Variants in SNX24 observed in about 807,000 individuals in gnomAD.
SNX24 encodes the protein sorting nexin 24.
Under a neutral mutation model 28.7 loss-of-function variants are expected in SNX24, and 22 were observed. The ratio of observed to expected loss-of-function variants is 0.77; its 90% CI spans 0.55 to 1.10. SNX24 has a LOEUF of 1.10. Among genes scored for constraint, SNX24 ranks in the 50% least tolerant of loss-of-function variants. SNX24 has a pLI of 0.00. For synonymous variants in SNX24, 69 were observed against 71.5 expected (o/e 0.96, Z 0.18); for missense variants, 221 against 201.1 (o/e 1.10, Z -0.60).
At chr5:122,877,840 G>A (rs1756300824) in intron 1 of SNX24, among the ~76,000 whole-genome samples, 1 of 152,080 alleles carries the variant, frequency 6.6e-6, no homozygotes, top group African/African-American at 2.4e-5. Context: ...CAAGCCAATA[G>A]GCCAATGAAT....
chr5:122,861,021 C>A (rs1755436060), intron 1 of SNX24, among the ~76,000 whole-genome samples: 1 of 151,886 alleles, frequency 6.6e-6, no homozygotes, highest in African/African-American at 2.4e-5. Context: ...CTTTATGTTC[C>A]CAATCTAATA....
chr5:122,954,163 T>G (rs1277086342), intron 3 of SNX24, among the ~76,000 whole-genome samples: 2 of 148,056 alleles, frequency 1.4e-5, no homozygotes, highest in African/African-American at 2.5e-5. Context: ...ATGTGTATTC[T>G]TAAATTCTCA....
At chr5:123,007,039 A>G (rs537460467) in intron 6 of SNX24, among the ~76,000 whole-genome samples, 1 of 152,286 alleles carries the variant, frequency 6.6e-6, no homozygotes, top group South Asian at 2.1e-4. Flanking sequence ...ATCCATTCAC[A>G]TTTTACCTAC....
intron 3 of SNX24, among the ~76,000 whole-genome samples, chr5:122,993,474 T>G (rs1284887583): frequency 6.6e-6 from 1 of 152,082 alleles, no homozygotes; most frequent in Admixed American, 6.6e-5. Context: ...AATTTTTTTG[T>G]ATTTTTTAAT....
intron 3 of SNX24, among the ~76,000 whole-genome samples, chr5:122,988,085 G>A (rs1353728364): frequency 1.3e-5 from 2 of 152,170 alleles, no homozygotes; most frequent in African/African-American, 4.8e-5. Flanking sequence ...GACACGGTTG[G>A]AACAGACTGA....
At chr5:122,964,401 T>C (rs1760629703) in intron 3 of SNX24, among the ~76,000 whole-genome samples, 1 of 152,102 alleles carries the variant, frequency 6.6e-6, no homozygotes, top group Non-Finnish European at 1.5e-5. Context: ...GGTATGCTGT[T>C]AAACACCTCA....
At chr5:123,027,475 T>C (rs1222488684) in intron 5 of SNX24, among the ~76,000 whole-genome samples, 7 of 152,160 alleles carry the variant, frequency 4.6e-5, no homozygotes, top group Admixed American at 1.3e-4. Context: ...GAAGGTGGGA[T>C]GCCAGCACCG....
At chr5:122,878,293 G>T (rs1160603322) in intron 1 of SNX24, among the ~76,000 whole-genome samples, 1 of 152,108 alleles carries the variant, frequency 6.6e-6, no homozygotes, top group Non-Finnish European at 1.5e-5. Context: ...AGACCCAGTG[G>T]CGGTTCTAGA....
intron 5 of SNX24, chr5:123,028,823 C>G (rs1176161560): frequency 1.9e-6 from 3 of 1,613,782 alleles, no homozygotes; most frequent in Non-Finnish European, 2.5e-6. Flanking sequence ...ATCATGAAAT[C>G]CTTGATGACA....
chr5:122,858,936 T>C (rs1755329336), intron 1 of SNX24, among the ~76,000 whole-genome samples: 1 of 152,148 alleles, frequency 6.6e-6, no homozygotes, highest in African/African-American at 2.4e-5. Context: ...TTGGTACAGA[T>C]AGGGTTTCAC....
intron 5 of SNX24, among the ~76,000 whole-genome samples, chr5:123,020,419 G>A (rs1264552281): frequency 6.6e-6 from 1 of 152,138 alleles, no homozygotes; most frequent in Non-Finnish European, 1.5e-5. Flanking sequence ...GCTGCATATA[G>A]AACTTCTGCT....
At chr5:122,970,685 G>A (rs1445035002) in intron 3 of SNX24, among the ~76,000 whole-genome samples, 1 of 152,276 alleles carries the variant, frequency 6.6e-6, no homozygotes, top group African/African-American at 2.4e-5. Context: ...AGCCAGGATG[G>A]CCTCCATCTC....
chr5:122,946,073 A>C lies in SNX24; in HGVS notation c.163A>C (p.Thr55Pro). 1 of 1,596,924 alleles carries C rather than the reference A, an allele frequency of 6.3e-7. No individual in the cohort carries two copies. Among genetic ancestry groups the C allele is most frequent in the Non-Finnish European group, 8.6e-7 (1 of 1,168,616 alleles). The change falls in exon 3 of 7, where the codon ACT becomes CCT. Residue 55 changes from threonine to proline, a missense_variant. Transcript: ENST00000261369. ...TTTATAGCTTAAGAAATGTATAAAA[A>C]CTCCAGAAATCCCTTCTAAACATGT... The part of the protein sequence containing the change: ...LHKKLKKCIK[T>P]PEIPSKHVRN...
intron 3 of SNX24, among the ~76,000 whole-genome samples, chr5:122,958,414 C>T (rs946312509): frequency 1.6e-4 from 25 of 152,134 alleles, no homozygotes; most frequent in East Asian, 7.7e-4. Flanking sequence ...CCATCACACC[C>T]GGCTAATTTT....
At chr5:123,010,247 C>T (rs1230327229), downstream of SNX24, among the ~76,000 whole-genome samples, 1 of 152,120 alleles carries the variant, frequency 6.6e-6, no homozygotes, top group East Asian at 1.9e-4. Context: ...GAAGAAGCTG[C>T]TAGCCTTCTA....
At chr5:122,907,943 A>G (rs866918091) in intron 1 of SNX24, among the ~76,000 whole-genome samples, 1 of 151,828 alleles carries the variant, frequency 6.6e-6, no homozygotes. Flanking sequence ...GATTTTGGTA[A>G]GATTGAGACT....
chr5:122,906,176 A>G (rs1419283938), intron 1 of SNX24, among the ~76,000 whole-genome samples: 2 of 152,108 alleles, frequency 1.3e-5, no homozygotes, highest in African/African-American at 4.8e-5. Flanking sequence ...TAGTATAGAG[A>G]TTTGTGCTGG....
At chr5:122,890,181 C>T (rs1349365071) in intron 1 of SNX24, among the ~76,000 whole-genome samples, 1 of 152,104 alleles carries the variant, frequency 6.6e-6, no homozygotes, top group African/African-American at 2.4e-5. Flanking sequence ...TTCAGAGGCA[C>T]ATGGTATCTG....
At chr5:122,946,423 C>T (rs1759688115) in intron 3 of SNX24, among the ~76,000 whole-genome samples, 1 of 152,036 alleles carries the variant, frequency 6.6e-6, no homozygotes, top group Admixed American at 6.5e-5. Context: ...TTTTTTAATT[C>T]AACTCTACAA....
Sources: gnomAD v4.1 joint callset for allele counts (sites outside exome capture counted in the v4.1 genomes callset) on GRCh38, gnomAD v4.1.1 for gene constraint, MANE v1.5 for transcripts, NCBI Gene and HGNC (gene_info 2026-07-23, HGNC 2026-07-21) for gene names.